The following ATP10A variants were observed in gnomAD, a reference collection of about 807,000 sequenced individuals.
ATP10A encodes ATPase phospholipid transporting 10A (putative), also known as phospholipid-transporting ATPase VA.
A neutral mutation model predicts 147.8 loss-of-function variants in ATP10A; 111 were observed. The observed-to-expected ratio is 0.75, with a 90% CI of 0.64 to 0.88. The LOEUF (loss-of-function observed/expected upper bound fraction) is 0.88, where lower values mean the gene tolerates loss of function less well. ATP10A is among the 40% of genes least tolerant of loss of function. The pLI, the probability that ATP10A is intolerant of heterozygous loss-of-function variation, is 0.00. For synonymous variants in ATP10A, 875 were observed against 841.6 expected, an observed-to-expected ratio of 1.04 and a Z score of -0.69; for missense variants, 1,927 against 1,959.0, an observed-to-expected ratio of 0.98 and a Z score of 0.31.
Position 25,678,776 on chromosome 15 carries a change from G to A in ATP10A, c.*565C>T, listed in dbSNP as rs542608308. The A allele has an allele frequency of 6.6e-6, 1 of 152,378 alleles. No homozygotes were observed. Among genetic ancestry groups the A allele is most frequent in the South Asian group, 2.1e-4 (1 of 4,824 alleles). The allele number at this position is 152,378 out of a possible 1,614,324, so 9.4% of individuals were successfully genotyped here. A position where few individuals can be genotyped will look rare whatever the true frequency, so the allele number is the denominator to read the frequency against. On this transcript the variant is annotated 3_prime_UTR_variant, in exon 21 of 21. Coordinates refer to ENST00000555815, the MANE Select transcript of ATP10A (RefSeq NM_024490.4). ...ACAGGCAAAATACGACACCAGGGAT[G>A]TAATACCTACAAGGCGGTCTTCCTG...
chr15:25,696,579 C>T (rs1438860720), intron 13 of ATP10A, among the ~76,000 whole-genome samples: 1 of 152,166 alleles, frequency 6.6e-6, no homozygotes, highest in Non-Finnish European at 1.5e-5. Context: ...GAGTAGCAGC[C>T]GATGGACCGG....
intron 2 of ATP10A, among the ~76,000 whole-genome samples, chr15:25,738,810 T>G (rs1475911013): frequency 6.6e-6 from 1 of 152,218 alleles, no homozygotes; most frequent in Admixed American, 6.5e-5. Flanking sequence ...CCAGGCATTG[T>G]GCTAAGTGCC....
At chr15:25,713,555 C>T in intron 10 of ATP10A, 119 bp downstream of exon 10, 3 of 1,052,530 alleles carry the variant, frequency 2.9e-6, no homozygotes, top group Non-Finnish European at 2.8e-6. Flanking sequence ...CTCCAATGGG[C>T]ATTTCTGTTG....
intron 1 of ATP10A, among the ~76,000 whole-genome samples, chr15:25,799,480 T>G (rs769205272): frequency 6.6e-6 from 1 of 152,160 alleles, no homozygotes; most frequent in Non-Finnish European, 1.5e-5. Context: ...ACCAAAATGG[T>G]GTTCAGCAAA....
intron 2 of ATP10A, among the ~76,000 whole-genome samples, chr15:25,756,034 A>C (rs1888390316): frequency 6.6e-6 from 1 of 152,188 alleles, no homozygotes; most frequent in Non-Finnish European, 1.5e-5. Context: ...ATCTTGCCTT[A>C]ACTGGGCCTT....
Position 25,688,103 on chromosome 15 carries a change from G to T in ATP10A, c.3166-275C>A, listed in dbSNP as rs1178164025. Reference sequence around the variant, plus strand: ...ATGTGTCACTAATGGGGTTTAAAAGGTTTTCTTTTTTCCTGCTGTTTTCTC... The same window carrying T: ...ATGTGTCACTAATGGGGTTTAAAAGTTTTTCTTTTTTCCTGCTGTTTTCTC... On this transcript the variant is annotated intron_variant, in intron 15 of 20. Transcript: ENST00000555815. 4 of 448,916 alleles carry T rather than the reference G, an allele frequency of 8.9e-6. No individual in the cohort carries two copies. In the Admixed American group the frequency reaches 1.4e-4, roughly 15 times the overall value. 27.8% of individuals were successfully genotyped at this position (448,916 alleles called of 1,614,324 possible).
chr15:25,678,697 A>G (rs555263192), downstream of ATP10A: 1 of 152,338 alleles, frequency 6.6e-6, no homozygotes, highest in East Asian at 1.9e-4. Context: ...ACCAGTGGTA[A>G]CTGGACACAC....
intron 3 of ATP10A, among the ~76,000 whole-genome samples, chr15:25,732,830 C>T (rs1887023521): frequency 6.6e-6 from 1 of 152,030 alleles, no homozygotes; most frequent in Non-Finnish European, 1.5e-5. Context: ...GCTGGGATTA[C>T]AGGTGTGAGC....
chr15:25,735,412 C>T (rs1301213256), intron 3 of ATP10A, among the ~76,000 whole-genome samples: 1 of 152,202 alleles, frequency 6.6e-6, no homozygotes, highest in African/African-American at 2.4e-5. Flanking sequence ...CTACTACTCC[C>T]CATCACGTGG....
At chr15:25,759,335 G>A (rs541443067) in intron 2 of ATP10A, among the ~76,000 whole-genome samples, 1 of 152,260 alleles carries the variant, frequency 6.6e-6, no homozygotes, top group Non-Finnish European at 1.5e-5. Context: ...GCAAGATGTA[G>A]GTTTGTGCAA....
At chr15:25,841,405 T>G (rs1892807055) in intron 1 of ATP10A, 1 of 152,180 alleles carries the variant, frequency 6.6e-6, no homozygotes, top group Non-Finnish European at 1.5e-5. Flanking sequence ...ATTTCTGGGT[T>G]CTTCACTCTG....
At chr15:25,768,781 G>T (rs1889171974) in intron 2 of ATP10A, among the ~76,000 whole-genome samples, 1 of 139,406 alleles carries the variant, frequency 7.2e-6, no homozygotes, top group Non-Finnish European at 1.5e-5. Flanking sequence ...CTCCCACCTT[G>T]GCCTCCCAAA....
At chr15:25,845,851 G>A (rs1893004239) in intron 1 of ATP10A, among the ~76,000 whole-genome samples, 1 of 152,206 alleles carries the variant, frequency 6.6e-6, no homozygotes, top group Non-Finnish European at 1.5e-5. Context: ...ACAGACACTG[G>A]TACCCCCATG....
At chr15:25,712,972 G>A (rs1043381822) in intron 10 of ATP10A, among the ~76,000 whole-genome samples, 5 of 152,154 alleles carry the variant, frequency 3.3e-5, no homozygotes, top group Non-Finnish European at 7.4e-5. Flanking sequence ...GCTCCAACTC[G>A]GAGCTCCAGA....
chr15:25,740,382 G>A (rs1336955223), intron 2 of ATP10A, among the ~76,000 whole-genome samples: 1 of 152,226 alleles, frequency 6.6e-6, no homozygotes, highest in Admixed American at 6.5e-5. Flanking sequence ...TAACGCTCCA[G>A]GTGGAAATCT....
chr15:25,712,533 G>GAT (rs1901500185), intron 10 of ATP10A, among the ~76,000 whole-genome samples: 1 of 134,212 alleles, frequency 7.5e-6, no homozygotes, highest in Non-Finnish European at 1.6e-5. Flanking sequence ...TGGAATAAGA[G>GAT]AGATTTTTTT....
rs762614783 is a variant in ATP10A at position 25,852,282 on chromosome 15, G to A, written c.449+10366C>T. Reference sequence around the variant, plus strand: ...AATGCCATCCTCCCTCCTGTTAAATGCCATCCTCCCTCCAAAGTAATGTTA... The same window carrying A: ...AATGCCATCCTCCCTCCTGTTAAATACCATCCTCCCTCCAAAGTAATGTTA... On this transcript the variant is annotated intron_variant, in intron 1 of 20. Coordinates refer to ENST00000555815, the MANE Select transcript of ATP10A (RefSeq NM_024490.4). 1.8e-4 allele frequency among the ~76,000 whole-genome samples: 27 copies of A among 151,910 alleles called. No individual in the cohort carries two copies. In the South Asian group the frequency reaches 2.7e-3, roughly 15 times the overall value.
chr15:25,738,667 A>G (rs1208681160), intron 2 of ATP10A: 1 of 152,192 alleles, frequency 6.6e-6, no homozygotes, highest in Non-Finnish European at 1.5e-5. Flanking sequence ...ATCAAGTTGA[A>G]CATAGACCAG....
At chr15:25,718,531 TC>T in intron 7 of ATP10A, 132 bp from the exon 8 acceptor site, 2 of 898,300 alleles carry the variant, frequency 2.2e-6, no homozygotes, top group Non-Finnish European at 3.4e-6. Flanking sequence ...ACCCTTGCTC[TC>T]TAATAGCAAG....
Sources: gnomAD v4.1 joint callset for allele counts (sites outside exome capture counted in the v4.1 genomes callset) on GRCh38, gnomAD v4.1.1 for gene constraint, MANE v1.5 for transcripts, NCBI Gene and HGNC (gene_info 2026-07-23, HGNC 2026-07-21) for gene names.